The following STAM variants were observed in gnomAD, a reference collection of about 807,000 sequenced individuals.
STAM encodes signal transducing adapter molecule 1.
In STAM, 16 loss-of-function variants were observed where a neutral mutation model predicts 63.4. The observed-to-expected ratio is 0.25, with a 90% CI of 0.17 to 0.38. The LOEUF (loss-of-function observed/expected upper bound fraction) is 0.38. Ranked by LOEUF, STAM falls within the 10% of genes least tolerant of loss-of-function variation. The pLI, the probability that STAM is intolerant of heterozygous loss-of-function variation, is 1.00. For missense variants in STAM, 636 were observed against 657.1 expected (o/e 0.97, Z 0.35); for synonymous variants, 238 against 223.9 (o/e 1.06, Z -0.56).
intron 2 of STAM, among the ~76,000 whole-genome samples, chr10:17,668,713 A>C (rs1024452460): frequency 6.6e-6 from 1 of 152,176 alleles, no homozygotes; most frequent in Non-Finnish European, 1.5e-5. Flanking sequence ...GGGATCGTAG[A>C]CTATATAGCC....
chr10:17,664,361 G>A (rs1213024728), intron 2 of STAM, among the ~76,000 whole-genome samples: 1 of 152,068 alleles, frequency 6.6e-6, no homozygotes, highest in Non-Finnish European at 1.5e-5. Context: ...CCCGCTGTCT[G>A]TCTCCAGAAC....
intron 1 of STAM, among the ~76,000 whole-genome samples, chr10:17,648,683 T>C (rs1937348): frequency 0.64 from 97,923 of 152,044 alleles, 33,347 homozygotes; most frequent in African/African-American, 0.88. Context: ...TGTTATCTCT[T>C]ATAGTCAGTG....
At chr10:17,672,937 T>A in intron 2 of STAM, 3 of 693,764 alleles carry the variant, frequency 4.3e-6, no homozygotes, top group Non-Finnish European at 5.3e-6. Context: ...TCTTTGTCCC[T>A]GCCCCTGACC....
chr10:17,658,527 TC>T (rs142468853), intron 1 of STAM, among the ~76,000 whole-genome samples: 17,491 of 152,162 alleles, frequency 0.11, 1,095 homozygotes, highest in Middle Eastern at 0.16. Context: ...GTCCATTTCT[TC>T]TTTTTTTGGT....
intron 7 of STAM, among the ~76,000 whole-genome samples, 194 bp downstream of exon 7, chr10:17,695,435 TATTA>T (rs1835717293): frequency 6.6e-6 from 1 of 152,226 alleles, no homozygotes; most frequent in Admixed American, 6.5e-5. Context: ...TTTTCTTATT[TATTA>T]CTTAGTTTAT....
At chr10:17,646,347 C>T (rs1833519673) in intron 1 of STAM, among the ~76,000 whole-genome samples, 1 of 152,166 alleles carries the variant, frequency 6.6e-6, no homozygotes. Flanking sequence ...AGTCTCAGGA[C>T]ATTGCTAAAT....
At position 17,695,617 on chromosome 10, in the gene STAM, A is replaced by T. The variant is rs367591695; in HGVS notation, c.728+376A>T. The T allele has an allele frequency of 2.5e-4, 40 of 161,528 alleles. 1 individual carries two copies. In the South Asian group the frequency reaches 6.4e-3, roughly 26 times the overall value. 10.0% of individuals were successfully genotyped at this position (161,528 alleles called of 1,614,324 possible). A position where few individuals can be genotyped will look rare whatever the true frequency, so the allele number is the denominator to read the frequency against. On this transcript the variant is annotated intron_variant, in intron 7 of 13. Coordinates refer to ENST00000377524, the MANE Select transcript of STAM (RefSeq NM_003473.4). Reference sequence around the variant, plus strand: ...ATCTATTGAGTTTTTTTTACACAGAACAGTATAGCCATAGGGAACAAATTT... The same window carrying T: ...ATCTATTGAGTTTTTTTTACACAGATCAGTATAGCCATAGGGAACAAATTT...
At chr10:17,690,034 A>G (rs1314274685) in intron 5 of STAM, among the ~76,000 whole-genome samples, 1 of 152,220 alleles carries the variant, frequency 6.6e-6, no homozygotes, top group Non-Finnish European at 1.5e-5. Context: ...TTAATCTAGA[A>G]TCTTAGCCAC....
intron 1 of STAM, among the ~76,000 whole-genome samples, chr10:17,645,224 C>A (rs1424205598): frequency 2.6e-5 from 4 of 152,276 alleles, no homozygotes; most frequent in Middle Eastern, 3.4e-3. Flanking sequence ...CACGTAGGAA[C>A]TACCTTGGCA....
At chr10:17,682,504 G>A (rs61842306) in intron 2 of STAM, among the ~76,000 whole-genome samples, 6,914 of 152,144 alleles carry the variant, frequency 0.045, 198 homozygotes, top group Middle Eastern at 0.14. Flanking sequence ...GATTTCATTT[G>A]TTGTAAGCCT....
At chr10:17,714,420 T>C in intron 13 of STAM, 123 bp from the exon 14 acceptor site, 1 of 910,690 alleles carries the variant, frequency 1.1e-6, no homozygotes, top group Non-Finnish European at 1.7e-6. Context: ...TATAGCTGTT[T>C]AGTAAAAGGT....
intron 2 of STAM, among the ~76,000 whole-genome samples, chr10:17,667,609 C>T (rs1344476560): frequency 6.6e-6 from 1 of 152,166 alleles, no homozygotes; most frequent in Admixed American, 6.5e-5. Context: ...ATAGCCTTTG[C>T]CGTCAATGGT....
chr10:17,691,247 G>T (rs187167501), intron 5 of STAM, among the ~76,000 whole-genome samples: 1 of 152,136 alleles, frequency 6.6e-6, no homozygotes, highest in African/African-American at 2.4e-5. Context: ...GGCCGGGCGC[G>T]GTGGCTCACG....
rs1564578759 is a variant in STAM at position 17,714,627 on chromosome 10, T to C, written c.1470T>C (p.Ala490=). 2.5e-6 allele frequency: 4 copies of C among 1,614,202 alleles called. No individual in the cohort carries two copies. The highest frequency in any genetic ancestry group is 1.3e-5 in the African/African-American group (1 of 75,046). Reference sequence around the variant, plus strand: ...CTCCTCCTGCCGCTACTGCTGCTGCTGCAACTGCCGATGTCACTCTGTACC... The same window carrying C: ...CTCCTCCTGCCGCTACTGCTGCTGCCGCAACTGCCGATGTCACTCTGTACC... ...YSPPPAATAA[A]ATADVTLYQN... Residue 490 remains alanine, a synonymous_variant, in exon 14 of 14, where the codon GCT becomes GCC. Coordinates refer to ENST00000377524, the MANE Select transcript of STAM (RefSeq NM_003473.4).
chr10:17,713,958 G>T (rs1393399150), intron 13 of STAM, among the ~76,000 whole-genome samples: 1 of 151,962 alleles, frequency 6.6e-6, no homozygotes, highest in Non-Finnish European at 1.5e-5. Flanking sequence ...TCTCCCCTCG[G>T]CACCCCCTGC....
At chr10:17,662,461 A>G (rs1460567606) in intron 2 of STAM, among the ~76,000 whole-genome samples, 2 of 152,164 alleles carry the variant, frequency 1.3e-5, no homozygotes, top group Non-Finnish European at 2.9e-5. Context: ...CACTCTATCA[A>G]AACTATTCTT....
chr10:17,685,103 A>G (rs1554825921), intron 4 of STAM, among the ~76,000 whole-genome samples, 176 bp downstream of exon 4: 1 of 152,086 alleles, frequency 6.6e-6, no homozygotes, highest in East Asian at 1.9e-4. Context: ...GATTCATGTA[A>G]CTTTGAGTTA....
At position 17,715,229 on chromosome 10, in the gene STAM, C is replaced by A. The variant is rs554629436; in HGVS notation, c.*449C>A. The A allele has an allele frequency of 3.6e-5, 6 of 168,522 alleles. No homozygotes were observed. The South Asian group carries it at 8.9e-4, about 25-fold the overall frequency. 10.4% of individuals were successfully genotyped at this position (168,522 alleles called of 1,614,324 possible). A position where few individuals can be genotyped will look rare whatever the true frequency, so the allele number is the denominator to read the frequency against. ...TTTTATTTTAATCATAAACAACTAC[C>A]ATGTTTCTTAATGTTTTGTGTAAAT... On this transcript the variant is annotated 3_prime_UTR_variant, in exon 14 of 14. Coordinates refer to ENST00000377524, the MANE Select transcript of STAM (RefSeq NM_003473.4).
chr10:17,670,119 T>C (rs1190050766), intron 2 of STAM, among the ~76,000 whole-genome samples: 3 of 152,256 alleles, frequency 2.0e-5, no homozygotes, highest in East Asian at 3.9e-4. Flanking sequence ...ATTGAGATGA[T>C]GATTCAGGAG....
Sources: allele counts gnomAD v4.1 joint callset (sites outside exome capture counted in the v4.1 genomes callset), GRCh38; gene constraint gnomAD v4.1.1; transcripts MANE v1.5; gene names NCBI Gene and HGNC (gene_info 2026-07-23, HGNC 2026-07-21).